PITPNM3: variants seen among roughly 807,000 people sequenced by gnomAD.
PITPNM3 encodes the protein membrane-associated phosphatidylinositol transfer protein 3.
Under a neutral mutation model 102.0 loss-of-function variants are expected in PITPNM3, and 26 were observed. The observed-to-expected ratio is 0.25, with a 90% CI of 0.19 to 0.35. The LOEUF is 0.35. Ranked by LOEUF, PITPNM3 falls within the 10% of genes least tolerant of loss-of-function variation. PITPNM3 has a pLI of 1.00. For missense variants in PITPNM3, 1,083 were observed against 1,346.1 expected, an observed-to-expected ratio of 0.80 and a Z score of 3.06; for synonymous variants, 578 against 558.6, an observed-to-expected ratio of 1.03 and a Z score of -0.49.
At position 6,477,227 on chromosome 17, in the gene PITPNM3, C is replaced by G. The variant is rs1567667808; in HGVS notation, c.901-14G>C. On this transcript the variant is annotated splice_polypyrimidine_tract_variant and intron_variant, in intron 8 of 19. Coordinates refer to ENST00000262483, the MANE Select transcript of PITPNM3 (RefSeq NM_031220.4). ...GACTGGGGTGTCCTTTGGGACCGAA[C>G]AGGGGACAGGAGAGAAAAAGACTGT... 1.9e-6 allele frequency: 3 copies of G among 1,613,236 alleles called. No homozygotes were observed. Among genetic ancestry groups the G allele is most frequent in the Non-Finnish European group, 1.7e-6 (2 of 1,179,452 alleles).
chr17:6,482,046 CTCTCTCTCTCTCTCTCTCTG>C lies in PITPNM3; in HGVS notation c.587+1451_587+1470del, dbSNP rs1567670402. 5.5e-4 allele frequency among the ~76,000 whole-genome samples: 51 copies of C among 92,236 alleles called. 1 individual carries two copies. The highest frequency in any genetic ancestry group is 1.3e-3 in the East Asian group (4 of 3,132). 60.5% of individuals were successfully genotyped at this position (92,236 alleles called of 152,430 possible). ...TCTCTCTCTCTCTCTGTCTGTCTCTCTCTCTCTCTCTCTCTCTCTGTCTCTCTCTCTCTCTCTCTCTGACA... is the reference window on the plus strand; with the variant it reads ...TCTCTCTCTCTCTCTGTCTGTCTCTCTCTCTCTCTCTCTCTCTCTCTGACA... On this transcript the variant is annotated intron_variant, in intron 6 of 19. Transcript: ENST00000262483.
chr17:6,507,511 G>C (rs541210447), intron 3 of PITPNM3, among the ~76,000 whole-genome samples: 1 of 152,116 alleles, frequency 6.6e-6, no homozygotes, highest in Non-Finnish European at 1.5e-5. Flanking sequence ...TTGAACCCAG[G>C]AGGCAGGGGT....
intron 3 of PITPNM3, among the ~76,000 whole-genome samples, chr17:6,508,809 G>C (rs1359259832): frequency 1.3e-5 from 2 of 152,160 alleles, no homozygotes; most frequent in African/African-American, 4.8e-5. Context: ...CCGGACAGTA[G>C]GAAGCCGGGC....
chr17:6,546,141 A>C (rs1357149744), intron 1 of PITPNM3, among the ~76,000 whole-genome samples: 1 of 152,202 alleles, frequency 6.6e-6, no homozygotes, highest in Non-Finnish European at 1.5e-5. Flanking sequence ...TTCCAGAAAA[A>C]GGCATTATTG....
Position 6,556,150 on chromosome 17 carries a change from G to A in PITPNM3, c.22+235C>T, listed in dbSNP as rs1910594001. ...CGCAGACCTGGCCCTTTCCGGCGGG[G>A]CCGTGGAGAAGGGGACGCGGTGTCC... On this transcript the variant is annotated intron_variant, in intron 1 of 19. Coordinates refer to ENST00000262483, the MANE Select transcript of PITPNM3 (RefSeq NM_031220.4). The surrounding 1 kb of genome is among the most constrained non-coding windows in gnomAD (Gnocchi z 5.2). Among the ~76,000 whole-genome samples, 1 of 152,000 alleles carries A rather than the reference G, an allele frequency of 6.6e-6. No homozygotes were observed. The highest frequency in any genetic ancestry group is 6.5e-5 in the Admixed American group (1 of 15,282).
At chr17:6,496,010 G>A (rs957921962) in intron 4 of PITPNM3, among the ~76,000 whole-genome samples, 1 of 152,162 alleles carries the variant, frequency 6.6e-6, no homozygotes, top group African/African-American at 2.4e-5. Context: ...ACTGGGGCAA[G>A]GGAGCCCCCT....
chr17:6,539,269 G>A (rs1484173432), intron 1 of PITPNM3, among the ~76,000 whole-genome samples: 1 of 152,100 alleles, frequency 6.6e-6, no homozygotes, highest in Non-Finnish European at 1.5e-5. Context: ...CTGCAAGGGG[G>A]GTCTGAGAGT....
At chr17:6,488,208 T>C (rs552742223) in intron 4 of PITPNM3, among the ~76,000 whole-genome samples, 7 of 152,252 alleles carry the variant, frequency 4.6e-5, no homozygotes, top group African/African-American at 1.4e-4. Context: ...ATTCCTACCA[T>C]GATAATTGGG....
intron 2 of PITPNM3, among the ~76,000 whole-genome samples, chr17:6,534,506 C>T (rs1013683004): frequency 6.6e-5 from 10 of 152,180 alleles, no homozygotes; most frequent in Admixed American, 1.3e-4. Flanking sequence ...GGAGGGAGGA[C>T]GGTCCTAATC....
chr17:6,523,407 G>A (rs1908652202), intron 3 of PITPNM3, among the ~76,000 whole-genome samples: 1 of 152,132 alleles, frequency 6.6e-6, no homozygotes, highest in African/African-American at 2.4e-5. Context: ...TCAAACCCAG[G>A]CCTCTCTGAC....
At position 6,455,155 on chromosome 17, in the gene PITPNM3, C is replaced by T. The variant is rs1232277420; in HGVS notation, c.*183G>A. On this transcript the variant is annotated 3_prime_UTR_variant, in exon 20 of 20. Coordinates refer to ENST00000262483, the MANE Select transcript of PITPNM3 (RefSeq NM_031220.4). Reference sequence around the variant, plus strand: ...CCGAGATCCCCGGACCTCACCCCGTCGCAGCTCAGGGAGCCCCCCGGGCTC... The same window carrying T: ...CCGAGATCCCCGGACCTCACCCCGTTGCAGCTCAGGGAGCCCCCCGGGCTC... The T allele has an allele frequency of 1.8e-5, 13 of 740,284 alleles. No homozygotes were observed. Among genetic ancestry groups the T allele is most frequent in the Non-Finnish European group, 2.7e-5 (13 of 487,482 alleles). 45.9% of individuals were successfully genotyped at this position (740,284 alleles called of 1,614,324 possible). A position where few individuals can be genotyped will look rare whatever the true frequency, so the allele number is the denominator to read the frequency against.
intron 1 of PITPNM3, 76 bp from the exon 2 acceptor site, chr17:6,538,158 T>C (rs1055463172): frequency 4.6e-5 from 50 of 1,094,396 alleles, no homozygotes; most frequent in Admixed American, 7.4e-5. Context: ...AAGACCCCCC[T>C]GGACTAAAGG....
chr17:6,502,852 T>C (rs1001713175), intron 4 of PITPNM3, among the ~76,000 whole-genome samples: 2 of 152,028 alleles, frequency 1.3e-5, no homozygotes, highest in African/African-American at 4.8e-5. Context: ...GGTCACTATG[T>C]CAGCAAATGG....
intron 3 of PITPNM3, among the ~76,000 whole-genome samples, chr17:6,508,752 G>A (rs1174001545): frequency 6.6e-6 from 1 of 152,162 alleles, no homozygotes; most frequent in Non-Finnish European, 1.5e-5. Context: ...TGAGGCCACC[G>A]ACGGGGTCAG....
chr17:6,471,396 C>T (rs1905068702), intron 11 of PITPNM3, 41 bp from the exon 12 acceptor site: 1 of 1,494,290 alleles, frequency 6.7e-7, no homozygotes, highest in South Asian at 1.3e-5. Flanking sequence ...TCACGTGTCT[C>T]CAGCAGAGCT....
chr17:6,523,225 C>T (rs1462606245), intron 3 of PITPNM3, among the ~76,000 whole-genome samples: 3 of 152,164 alleles, frequency 2.0e-5, no homozygotes, highest in African/African-American at 7.2e-5. Context: ...TGCTTCTCCC[C>T]CTTCCATCAT....
chr17:6,481,186 C>A (rs1905647367), intron 6 of PITPNM3: 1 of 152,304 alleles, frequency 6.6e-6, no homozygotes, highest in Non-Finnish European at 1.5e-5. Flanking sequence ...CAGTTAGTAT[C>A]CCCAAGGCTG....
At position 6,499,590 on chromosome 17, in the gene PITPNM3, C is replaced by G. The variant is rs185059140; in HGVS notation, c.274+3937G>C. ...CTTCCAAGGCACATCCGTCCAGTAA[C>G]AAGTGACAACCATCAGAACTTTCTA... On this transcript the variant is annotated intron_variant, in intron 4 of 19. Transcript: ENST00000262483. Among the ~76,000 whole-genome samples, 11 of 152,374 alleles carry G rather than the reference C, an allele frequency of 7.2e-5. No individual in the cohort carries two copies. In the East Asian group the frequency reaches 2.1e-3, roughly 29 times the overall value.
chr17:6,473,131 A>T, intron 10 of PITPNM3: 4 of 433,274 alleles, frequency 9.2e-6, no homozygotes, highest in South Asian at 6.4e-5. Flanking sequence ...TCCCTCCCCC[A>T]TTTCCACGGG....
Sources: allele counts gnomAD v4.1 joint callset (sites outside exome capture counted in the v4.1 genomes callset), GRCh38; gene constraint gnomAD v4.1.1; non-coding constraint Gnocchi (gnomAD v3.1); transcripts MANE v1.5; gene names NCBI Gene and HGNC (gene_info 2026-07-23, HGNC 2026-07-21).